SPATA22: variants seen among roughly 807,000 people sequenced by gnomAD.
The protein encoded by SPATA22 is spermatogenesis-associated protein 22.
In SPATA22, 29 loss-of-function variants were observed where a neutral mutation model predicts 47.8. The ratio of observed to expected loss-of-function variants is 0.61; its 90% CI spans 0.45 to 0.83. The LOEUF (loss-of-function observed/expected upper bound fraction) is 0.83. Ranked by LOEUF, SPATA22 falls within the 40% of genes least tolerant of loss-of-function variation. SPATA22 has a pLI of 0.00. For synonymous variants in SPATA22, 133 were observed against 140.9 expected (o/e 0.94, Z 0.40); for missense variants, 410 against 421.7 (o/e 0.97, Z 0.24).
chr17:3,440,469 C>G, intron 8 of SPATA22, 131 bp from the exon 9 acceptor site: 1 of 665,956 alleles, frequency 1.5e-6, no homozygotes, highest in Non-Finnish European at 2.4e-6. Flanking sequence ...GAGTCAGGGC[C>G]CCACTGCTAA....
chr17:3,465,968 T>C (rs1365696688), intron 3 of SPATA22, among the ~76,000 whole-genome samples: 1 of 152,004 alleles, frequency 6.6e-6, no homozygotes, highest in African/African-American at 2.4e-5. Flanking sequence ...ATAAAAATAT[T>C]TTAAATGACG....
At chr17:3,501,221 T>C (rs1326613869) in intron 1 of SPATA22, 1 of 152,294 alleles carries the variant, frequency 6.6e-6, no homozygotes, top group Admixed American at 6.5e-5. Flanking sequence ...TAGATAGTGA[T>C]TCCTCTGATG....
chr17:3,497,038 C>G (rs1354956700), intron 1 of SPATA22, among the ~76,000 whole-genome samples: 1 of 152,152 alleles, frequency 6.6e-6, no homozygotes, highest in Non-Finnish European at 1.5e-5. Context: ...TGCACTCCAG[C>G]CTGGACAGAG....
At chr17:3,463,964 C>A (rs1361399109) in intron 3 of SPATA22, among the ~76,000 whole-genome samples, 3 of 91,328 alleles carry the variant, frequency 3.3e-5, no homozygotes, top group Non-Finnish European at 6.7e-5. Context: ...TCTCCCTCTG[C>A]CTCTCCCTCT....
At chr17:3,443,687 A>T (rs904665036) in intron 7 of SPATA22, among the ~76,000 whole-genome samples, 1 of 152,050 alleles carries the variant, frequency 6.6e-6, no homozygotes, top group Non-Finnish European at 1.5e-5. Flanking sequence ...TTCAGGTCCC[A>T]GGTACTTCAA....
chr17:3,471,898 G>A (rs1052089988), upstream of SPATA22: 20 of 980,298 alleles, frequency 2.0e-5, no homozygotes, highest in Non-Finnish European at 2.4e-5. Context: ...CTGCCTGCCT[G>A]GCCGCCCTTG....
At chr17:3,475,084 C>T (rs1451617854), upstream of SPATA22, among the ~76,000 whole-genome samples, 1 of 152,066 alleles carries the variant, frequency 6.6e-6, no homozygotes, top group Admixed American at 6.5e-5. Flanking sequence ...CTTATTGTAC[C>T]CTCTATCAAA....
chr17:3,489,254 G>C, intron 1 of SPATA22: 1 of 1,612,528 alleles, frequency 6.2e-7, no homozygotes, highest in East Asian at 2.2e-5. Flanking sequence ...TTGGTCCTCA[G>C]CCTCAAGGGG....
At chr17:3,484,264 G>A (rs2073682598) in intron 1 of SPATA22, among the ~76,000 whole-genome samples, 1 of 152,114 alleles carries the variant, frequency 6.6e-6, no homozygotes, top group South Asian at 2.1e-4. Flanking sequence ...TATTTATAGT[G>A]TGCCTACCAG....
At position 3,471,103 on chromosome 17, in the gene SPATA22, C is replaced by G. The variant is rs1167175211; in HGVS notation, c.-74+579G>C. ...CCGGGAGGCGGAGGTTGCAGTGAGC[C>G]GAGATCACGCCACTGCACTCCAGCC... is the stretch of plus-strand genomic sequence containing the variant. On this transcript the variant is annotated intron_variant, in intron 1 of 8. Coordinates refer to ENST00000572969, the MANE Select transcript of SPATA22 (RefSeq NM_001170698.2). 1.4e-5 allele frequency among the ~76,000 whole-genome samples: 2 copies of G among 147,722 alleles called. 1 individual carries two copies. Among genetic ancestry groups the G allele is most frequent in the Admixed American group, 1.4e-4 (2 of 14,776 alleles).
In SPATA22 at chr17:3,449,791, C is replaced by T. The variant is rs143588781; in HGVS notation, c.330-642G>A. Among the ~76,000 whole-genome samples the T allele has an allele frequency of 3.4e-3, 515 of 152,176 alleles. 1 individual carries two copies. Among genetic ancestry groups the T allele is most frequent in the Middle Eastern group, 6.8e-3 (2 of 294 alleles). On this transcript the variant is annotated intron_variant, in intron 5 of 8. Transcript: ENST00000572969. ...ATGCTAATGAGGCCAAAATCAAAAG[C>T]ATAATTTCTGAGCAGCCTAGTTAGG...
chr17:3,449,915 A>G (rs2072817937), intron 5 of SPATA22, among the ~76,000 whole-genome samples: 1 of 152,094 alleles, frequency 6.6e-6, no homozygotes, highest in African/African-American at 2.4e-5. Flanking sequence ...TGTAATGGCA[A>G]GAACACAGCT....
At chr17:3,448,718 C>T in intron 6 of SPATA22, 89 bp downstream of exon 6, 1 of 921,694 alleles carries the variant, frequency 1.1e-6, no homozygotes, top group South Asian at 1.9e-5. Flanking sequence ...GAATTTATTT[C>T]AGGCGCTCTT....
chr17:3,481,859 G>A (rs2073637253), intron 1 of SPATA22: 1 of 1,402,178 alleles, frequency 7.1e-7, no homozygotes, highest in South Asian at 1.2e-5. Flanking sequence ...AGTCAATTAT[G>A]GATGTGAGAC....
chr17:3,491,877 CTTTTTTTTT>C (rs540965896), intron 1 of SPATA22, among the ~76,000 whole-genome samples: 2 of 123,062 alleles, frequency 1.6e-5, no homozygotes, highest in African/African-American at 3.1e-5. Context: ...CTTTTGTTTT[CTTTTTTTTT>C]TTTTTTTTTG....
At chr17:3,470,542 G>T (rs1459910421) in intron 1 of SPATA22, among the ~76,000 whole-genome samples, 2 of 151,930 alleles carry the variant, frequency 1.3e-5, no homozygotes, top group African/African-American at 4.8e-5. Context: ...GAGATCAGGA[G>T]ATCAAGACCA....
chr17:3,463,909 TCCTCTC>T (rs372677703), intron 3 of SPATA22, among the ~76,000 whole-genome samples: 11,067 of 89,462 alleles, frequency 0.12, 1,175 homozygotes, highest in East Asian at 0.29. Flanking sequence ...AAAACACTGA[TCCTCTC>T]CCTCTCCCTC....
chr17:3,468,993 C>CA (rs1457551794), intron 2 of SPATA22: 3 of 303,448 alleles, frequency 9.9e-6, no homozygotes, highest in Non-Finnish European at 1.6e-5. Flanking sequence ...CAAATACAAA[C>CA]AAAAATAGAT....
At chr17:3,491,713 A>G (rs541023925) in intron 1 of SPATA22, among the ~76,000 whole-genome samples, 10 of 151,990 alleles carry the variant, frequency 6.6e-5, no homozygotes, top group Non-Finnish European at 1.3e-4. Flanking sequence ...ATGCCACTGC[A>G]CTCCAGCCTC....
Sources: gnomAD v4.1 joint callset for allele counts (sites outside exome capture counted in the v4.1 genomes callset) on GRCh38, gnomAD v4.1.1 for gene constraint, MANE v1.5 for transcripts, NCBI Gene and HGNC (gene_info 2026-07-23, HGNC 2026-07-21) for gene names.